Variants in ST18 observed in about 807,000 individuals in gnomAD.
The protein encoded by ST18 is ST18 C2H2C-type zinc finger transcription factor, also known as suppression of tumorigenicity 18 protein.
A neutral mutation model predicts 110.0 loss-of-function variants in ST18; 50 were observed. The ratio of observed to expected loss-of-function variants is 0.45; its 90% CI spans 0.36 to 0.58. The LOEUF is 0.58. Among genes scored for constraint, ST18 ranks in the 20% least tolerant of loss-of-function variants. The probability of loss-of-function intolerance (pLI) is 0.00; values close to 1 mark genes in which losing one functional copy is unlikely to be tolerated. For missense variants in ST18, 1,306 were observed against 1,280.1 expected (o/e 1.02, Z -0.31); for synonymous variants, 461 against 452.4 (o/e 1.02, Z -0.24).
In ST18 at chr8:52,164,847, A is replaced by T. The variant is rs143379397; in HGVS notation, c.1295+288T>A. On this transcript the variant is annotated intron_variant, in intron 12 of 25. Coordinates refer to ENST00000689386, the MANE Select transcript of ST18 (RefSeq NM_001352837.2). The stretch of plus-strand genomic sequence containing the variant: ...GAGGTTCTGGAGCAAAAGACAGCAC[A>T]TTCTATTTGTATGATTATATGAATA... Among the ~76,000 whole-genome samples, 88 of 152,366 alleles carry T rather than the reference A, an allele frequency of 5.8e-4. 1 individual carries two copies. In the East Asian group the frequency reaches 0.01, roughly 18 times the overall value.
At chr8:52,276,860 G>A (rs1395336007) in intron 2 of ST18, among the ~76,000 whole-genome samples, 3 of 150,638 alleles carry the variant, frequency 2.0e-5, no homozygotes, top group Non-Finnish European at 2.9e-5. Context: ...TCTGCCTCCC[G>A]GGTTCAAGCG....
intron 19 of ST18, among the ~76,000 whole-genome samples, chr8:52,133,646 T>C (rs891632352): frequency 6.6e-6 from 1 of 151,658 alleles, no homozygotes; most frequent in African/African-American, 2.4e-5. Context: ...CCACAACTTA[T>C]TGCTGGGCTT....
chr8:52,363,344 C>T (rs1406730250), intron 2 of ST18, among the ~76,000 whole-genome samples: 1 of 152,156 alleles, frequency 6.6e-6, no homozygotes, highest in Non-Finnish European at 1.5e-5. Context: ...AAATCTTTCT[C>T]GTGAATCAGC....
At chr8:52,279,920 CAAT>C (rs960678507) in intron 2 of ST18, among the ~76,000 whole-genome samples, 1 of 152,054 alleles carries the variant, frequency 6.6e-6, no homozygotes, top group African/African-American at 2.4e-5. Context: ...ATGCAAAAAG[CAAT>C]GATGATTGGA....
intron 2 of ST18, among the ~76,000 whole-genome samples, chr8:52,277,411 C>A (rs772992240): frequency 7.7e-4 from 117 of 152,110 alleles, no homozygotes; most frequent in Non-Finnish European, 5.6e-4. Context: ...TGATGATACC[C>A]CCCAATAGCA....
rs187491334 is a variant in ST18, at chr8:52,285,978, A to C, written c.-464-55901T>G. Among the ~76,000 whole-genome samples, 234 of 152,326 alleles carry C rather than the reference A, an allele frequency of 1.5e-3. 2 individuals are homozygous for C. The highest frequency in any genetic ancestry group is 0.01 in the East Asian group (52 of 5,174). ...TTCATTCACTACAACACCCACTGCT[A>C]CTGCTCCTACTACCATTACTTGATG... is the stretch of plus-strand genomic sequence containing the variant. On this transcript the variant is annotated intron_variant, in intron 2 of 25. Transcript: ENST00000689386.
chr8:52,403,286 C>G (rs569379941), intron 2 of ST18: 1 of 152,424 alleles, frequency 6.6e-6, no homozygotes, highest in Admixed American at 6.5e-5. Context: ...AGGACACACT[C>G]TAGCAGTGGC....
chr8:52,393,689 C>A (rs1186330903), intron 2 of ST18: 1 of 151,984 alleles, frequency 6.6e-6, no homozygotes, highest in Non-Finnish European at 1.5e-5. Flanking sequence ...CTGAGACCAG[C>A]CTGGCCAACA....
chr8:52,366,498 T>C (rs1827988909), intron 2 of ST18, among the ~76,000 whole-genome samples: 1 of 152,198 alleles, frequency 6.6e-6, no homozygotes, highest in African/African-American at 2.4e-5. Context: ...CTGGGCTTCC[T>C]GCTATTCTGT....
At chr8:52,395,904 A>G (rs1424186651) in intron 2 of ST18, among the ~76,000 whole-genome samples, 1 of 152,212 alleles carries the variant, frequency 6.6e-6, no homozygotes, top group Non-Finnish European at 1.5e-5. Context: ...ACTAAAAATG[A>G]TATGTTTATG....
chr8:52,372,557 C>T (rs1396063863), intron 2 of ST18, among the ~76,000 whole-genome samples: 2 of 152,232 alleles, frequency 1.3e-5, no homozygotes, highest in Non-Finnish European at 1.5e-5. Context: ...CCTCCATTCA[C>T]GGTAAGTGCC....
At chr8:52,332,776 G>A (rs1421010054) in intron 2 of ST18, among the ~76,000 whole-genome samples, 1 of 151,994 alleles carries the variant, frequency 6.6e-6, no homozygotes, top group Admixed American at 6.6e-5. Flanking sequence ...GCTTGAACCT[G>A]GGAGGCAGAG....
chr8:52,204,244 A>C (rs1310732749), intron 8 of ST18, among the ~76,000 whole-genome samples: 1 of 152,212 alleles, frequency 6.6e-6, no homozygotes, highest in Non-Finnish European at 1.5e-5. Flanking sequence ...GATCAAGAAA[A>C]TACCAAAGAA....
At chr8:52,246,349 A>G (rs1259822204) in intron 2 of ST18, among the ~76,000 whole-genome samples, 16 of 152,116 alleles carry the variant, frequency 1.1e-4, no homozygotes. Context: ...TTTTTAAAAA[A>G]CAGAAAGAAG....
In ST18 at chr8:52,180,141, T is replaced by C. The variant is rs2068771842; in HGVS notation, c.258A>G (p.Thr86=). 2 of 1,614,168 alleles carry C rather than the reference T, an allele frequency of 1.2e-6. No homozygotes were observed. The highest frequency in any genetic ancestry group is 4.5e-5 in the East Asian group (2 of 44,868). ...TGCTACCTGCGGTAGAGTGACCATG[T>C]GTTTCCAAGGGGCCATCGTCCTCTG... The part of the protein sequence containing the change: ...DRTEDDGPLE[T]HGHSTAEEIM... Residue 86 remains threonine (T), a synonymous_variant, in exon 9 of 26, where the codon ACA becomes ACG. Transcript: ENST00000689386.
intron 3 of ST18, among the ~76,000 whole-genome samples, chr8:52,223,202 CCTGTGCTACAAGGT>C (rs2087657375): frequency 1.3e-5 from 2 of 152,146 alleles, no homozygotes; most frequent in Admixed American, 1.3e-4. Context: ...GTTCTTTAAA[CCTGTGCTACAAGGT>C]AATGAGTCTG....
At chr8:52,174,685 G>A (rs1196328339) in intron 9 of ST18, among the ~76,000 whole-genome samples, 1 of 152,126 alleles carries the variant, frequency 6.6e-6, no homozygotes, top group Non-Finnish European at 1.5e-5. Flanking sequence ...TTACATAATT[G>A]TTTGGTTCAA....
intron 14 of ST18, among the ~76,000 whole-genome samples, chr8:52,159,396 C>T (rs575452173): frequency 6.6e-6 from 1 of 152,110 alleles, no homozygotes; most frequent in Non-Finnish European, 1.5e-5. Flanking sequence ...GGGGCAGGTG[C>T]ACTGGCAACA....
chr8:52,256,626 C>T, intron 2 of ST18, among the ~76,000 whole-genome samples: 1 of 152,156 alleles, frequency 6.6e-6, no homozygotes, highest in East Asian at 1.9e-4. Context: ...CATTAGTGAA[C>T]CAATACATGA....
Sources: allele counts gnomAD v4.1 joint callset (sites outside exome capture counted in the v4.1 genomes callset), GRCh38; gene constraint gnomAD v4.1.1; transcripts MANE v1.5; gene names NCBI Gene and HGNC (gene_info 2026-07-23, HGNC 2026-07-21).